The following IFT88 variants were observed in gnomAD, a reference collection of about 807,000 sequenced individuals.
IFT88 encodes the protein intraflagellar transport protein 88 homolog.
In IFT88, 74 loss-of-function variants were observed where a neutral mutation model predicts 119.5. The observed-to-expected ratio is 0.62, with a 90% CI of 0.51 to 0.75. IFT88 has a LOEUF of 0.75. IFT88 is among the 30% of genes least tolerant of loss of function. IFT88 has a pLI of 0.00. For missense variants in IFT88, 961 were observed against 977.7 expected, an observed-to-expected ratio of 0.98 and a Z score of 0.23; for synonymous variants, 279 against 316.7, an observed-to-expected ratio of 0.88 and a Z score of 1.26.
chr13:20,649,001 G>A (rs1324327340), intron 20 of IFT88, among the ~76,000 whole-genome samples: 1 of 152,084 alleles, frequency 6.6e-6, no homozygotes, highest in Non-Finnish European at 1.5e-5. Context: ...ACCCAACAGA[G>A]GAGCCCCAAA....
chr13:20,652,556 C>T (rs2051946960), intron 20 of IFT88, among the ~76,000 whole-genome samples: 1 of 151,344 alleles, frequency 6.6e-6, no homozygotes, highest in South Asian at 2.1e-4. Context: ...GGGGAGGTTA[C>T]AGTGAGCTGA....
chr13:20,617,583 G>A (rs375292755), intron 14 of IFT88, among the ~76,000 whole-genome samples: 2 of 152,154 alleles, frequency 1.3e-5, no homozygotes, highest in East Asian at 3.8e-4. Context: ...TGGAAATGAA[G>A]TTGGGCCAAT....
intron 19 of IFT88, among the ~76,000 whole-genome samples, chr13:20,644,032 C>T (rs2050360874): frequency 6.6e-6 from 1 of 152,112 alleles, no homozygotes; most frequent in South Asian, 2.1e-4. Context: ...GGATTACTAC[C>T]ACGCCAGGCC....
chr13:20,581,155 A>G (rs753343409), intron 2 of IFT88, among the ~76,000 whole-genome samples: 2 of 152,236 alleles, frequency 1.3e-5, no homozygotes, highest in Non-Finnish European at 2.9e-5. Context: ...AGTGAAGTAA[A>G]AATAATTTTT....
chr13:20,682,342 T>C (rs1292277919), intron 24 of IFT88, among the ~76,000 whole-genome samples: 1 of 152,234 alleles, frequency 6.6e-6, no homozygotes, highest in Non-Finnish European at 1.5e-5. Context: ...TTGAGTTGTA[T>C]GCACTTGCTT....
Position 20,599,554 on chromosome 13 carries a change from T to C in IFT88, c.801T>C (p.Asn267=), listed in dbSNP as rs746691205. Residue 267 remains asparagine (N), a synonymous_variant, in exon 11 of 26, where the codon AAT becomes AAC. Transcript: ENST00000351808. ...RMALDQVPSV[N]KQMRIKIMQN... ...CATTAGACCAAGTTCCAAGTGTCAATAAGCAAATGAGGTAAGTTTATAACA... is the reference window on the plus strand; with the variant it reads ...CATTAGACCAAGTTCCAAGTGTCAACAAGCAAATGAGGTAAGTTTATAACA... 42 of 1,445,958 alleles carry C rather than the reference T, an allele frequency of 2.9e-5. No homozygotes were observed. The South Asian group carries it at 4.9e-4, about 17-fold the overall frequency. The allele number at this position is 1,445,958 out of a possible 1,614,324, so 89.6% of individuals were successfully genotyped here. A position where few individuals can be genotyped will look rare whatever the true frequency, so the allele number is the denominator to read the frequency against.
intron 18 of IFT88, 88 bp from the exon 19 acceptor site, chr13:20,643,367 A>G: frequency 9.8e-7 from 1 of 1,023,968 alleles, no homozygotes; most frequent in Non-Finnish European, 1.4e-6. Flanking sequence ...CTGTAGGCTA[A>G]GAAATATTGT....
At chr13:20,582,371 C>T (rs978018384) in intron 2 of IFT88, among the ~76,000 whole-genome samples, 1 of 152,086 alleles carries the variant, frequency 6.6e-6, no homozygotes, top group African/African-American at 2.4e-5. Flanking sequence ...ATGTTGATTC[C>T]AAATGGCAGT....
chr13:20,570,778 C>G (rs924497022), intron 1 of IFT88, among the ~76,000 whole-genome samples: 1 of 151,790 alleles, frequency 6.6e-6, no homozygotes, highest in African/African-American at 2.4e-5. Flanking sequence ...GAATTACATA[C>G]TGGGGATGGT....
chr13:20,657,761 CAAAATAAATAAA>C (rs1000027933), intron 22 of IFT88, among the ~76,000 whole-genome samples: 8 of 144,288 alleles, frequency 5.5e-5, no homozygotes, highest in African/African-American at 2.3e-4. Context: ...GATTCTGTCT[CAAAATAAATAAA>C]TAAATAAATA....
chr13:20,642,211 T>C (rs1442385488), intron 18 of IFT88: 1 of 152,254 alleles, frequency 6.6e-6, no homozygotes, highest in Non-Finnish European at 1.5e-5. Context: ...GTTTAAATTT[T>C]ATACAAATAT....
At chr13:20,654,121 T>C (rs1244166107) in intron 21 of IFT88, among the ~76,000 whole-genome samples, 193 bp downstream of exon 21, 2 of 152,360 alleles carry the variant, frequency 1.3e-5, no homozygotes, top group East Asian at 3.9e-4. Context: ...ACAAAATGGG[T>C]ATTAATCATG....
chr13:20,663,619 C>T lies in IFT88; in HGVS notation c.2175+15C>T. 1.3e-6 allele frequency: 2 copies of T among 1,529,788 alleles called. No individual in the cohort carries two copies. The highest frequency in any genetic ancestry group is 1.4e-5 in the African/African-American group (1 of 72,822). The allele number at this position is 1,529,788 out of a possible 1,614,324, so 94.8% of individuals were successfully genotyped here. On this transcript the variant is annotated intron_variant, in intron 23 of 25. Transcript: ENST00000351808. ...TAAGGGAACAGGTATCTCATATGGG[C>T]CCCAAACTGCAGTCTGTTAATTTTT...
intron 13 of IFT88, among the ~76,000 whole-genome samples, chr13:20,610,021 A>G (rs1226555678): frequency 6.6e-6 from 1 of 151,750 alleles, no homozygotes; most frequent in Non-Finnish European, 1.5e-5. Flanking sequence ...ACAGCAGCAG[A>G]TAAGAGGTTC....
intron 14 of IFT88, among the ~76,000 whole-genome samples, chr13:20,616,565 T>C (rs547403072): frequency 6.6e-6 from 1 of 152,338 alleles, no homozygotes; most frequent in South Asian, 2.1e-4. Flanking sequence ...AGGTGTGTTG[T>C]AGGCCATGCC....
At chr13:20,585,019 G>T (rs1363595157) in intron 3 of IFT88, among the ~76,000 whole-genome samples, 1 of 152,222 alleles carries the variant, frequency 6.6e-6, no homozygotes, top group East Asian at 1.9e-4. Context: ...TAGATGAAGT[G>T]TCCTTCTGCT....
At chr13:20,659,371 AT>A (rs1470777285) in intron 22 of IFT88, among the ~76,000 whole-genome samples, 19 of 152,090 alleles carry the variant, frequency 1.2e-4, no homozygotes, top group African/African-American at 4.3e-4. Context: ...GTGTGCATCT[AT>A]AGTTCCACCT....
chr13:20,613,219 T>C (rs2044919456), intron 13 of IFT88, among the ~76,000 whole-genome samples: 1 of 152,172 alleles, frequency 6.6e-6, no homozygotes, highest in Non-Finnish European at 1.5e-5. Flanking sequence ...CTAGACTATA[T>C]AAGTAATGTC....
At chr13:20,583,148 G>A (rs2039026234) in intron 3 of IFT88, 129 bp downstream of exon 3, 1 of 545,640 alleles carries the variant, frequency 1.8e-6, no homozygotes, top group Admixed American at 3.1e-5. Context: ...TTAGATGGTA[G>A]TGAAACAGAT....
Sources: allele counts gnomAD v4.1 joint callset (sites outside exome capture counted in the v4.1 genomes callset), GRCh38; gene constraint gnomAD v4.1.1; transcripts MANE v1.5; gene names NCBI Gene and HGNC (gene_info 2026-07-23, HGNC 2026-07-21).